Variants in BTC observed in about 807,000 individuals in gnomAD.
BTC encodes the protein betacellulin.
A neutral mutation model predicts 18.1 loss-of-function variants in BTC; 13 were observed. That is an observed-to-expected ratio of 0.72 (90% confidence interval 0.47 to 1.14). BTC has a LOEUF of 1.14. Among genes scored for constraint, BTC ranks in the 50% most tolerant of loss-of-function variants. The pLI is 0.00. For synonymous variants in BTC, 83 were observed against 79.4 expected (o/e 1.05, Z -0.24); for missense variants, 247 against 224.2 (o/e 1.10, Z -0.65).
intron 1 of BTC, among the ~76,000 whole-genome samples, chr4:74,776,751 G>A (rs1470419571): frequency 6.6e-6 from 1 of 152,134 alleles, no homozygotes; most frequent in Non-Finnish European, 1.5e-5. Flanking sequence ...CATGTGCGTT[G>A]TATTTGCCTC....
chr4:74,768,837 C>A (rs1724966388), intron 2 of BTC, among the ~76,000 whole-genome samples: 1 of 152,042 alleles, frequency 6.6e-6, no homozygotes, highest in African/African-American at 2.4e-5. Flanking sequence ...GGGATAATTT[C>A]CCAAGGGAAA....
intron 1 of BTC, among the ~76,000 whole-genome samples, chr4:74,782,369 C>G (rs1560723219): frequency 6.6e-6 from 1 of 152,142 alleles, no homozygotes; most frequent in East Asian, 1.9e-4. Flanking sequence ...GTTTTCTTTT[C>G]CTGCATTAGT....
intron 4 of BTC, among the ~76,000 whole-genome samples, 156 bp from the exon 5 acceptor site, chr4:74,748,305 T>C (rs1290930250): frequency 2.6e-5 from 4 of 152,210 alleles, no homozygotes; most frequent in African/African-American, 9.6e-5. Flanking sequence ...TCCCAGCACT[T>C]TGGGAGGCCG....
intron 1 of BTC, among the ~76,000 whole-genome samples, chr4:74,783,558 G>A (rs1330203658): frequency 1.1e-5 from 1 of 93,848 alleles, no homozygotes; most frequent in Non-Finnish European, 2.3e-5. Flanking sequence ...TGTACTTTTT[G>A]TTTGGGAATG....
intron 1 of BTC, among the ~76,000 whole-genome samples, chr4:74,783,766 T>C (rs1216504828): frequency 1.3e-5 from 2 of 152,076 alleles, no homozygotes; most frequent in Non-Finnish European, 2.9e-5. Context: ...TGTTTTCCCA[T>C]TTGTTTGTGT....
intron 4 of BTC, among the ~76,000 whole-genome samples, chr4:74,748,481 A>G (rs1189206836): frequency 6.6e-6 from 1 of 151,924 alleles, no homozygotes; most frequent in Non-Finnish European, 1.5e-5. Context: ...GCTTGCAGTG[A>G]GCCGAGATTG....
At chr4:74,766,127 T>C in intron 2 of BTC, among the ~76,000 whole-genome samples, 1 of 152,096 alleles carries the variant, frequency 6.6e-6, no homozygotes, top group East Asian at 1.9e-4. Context: ...GCACTTACTA[T>C]GAAAGGAACT....
intron 1 of BTC, among the ~76,000 whole-genome samples, chr4:74,787,674 G>A (rs1005038604): frequency 3.3e-5 from 5 of 152,192 alleles, no homozygotes; most frequent in African/African-American, 1.2e-4. Flanking sequence ...AAGCAGGATA[G>A]GGTAGGGTTG....
intron 1 of BTC, among the ~76,000 whole-genome samples, chr4:74,784,460 T>A (rs1035354063): frequency 3.9e-5 from 6 of 152,096 alleles, no homozygotes; most frequent in African/African-American, 1.4e-4. Context: ...TTCAATACTA[T>A]GTTGAGTAGG....
At chr4:74,786,249 G>A (rs753377618) in intron 1 of BTC, among the ~76,000 whole-genome samples, 4 of 152,168 alleles carry the variant, frequency 2.6e-5, no homozygotes, top group Non-Finnish European at 5.9e-5. Flanking sequence ...CAATTTCCTG[G>A]TGGTGCTACA....
intron 5 of BTC, among the ~76,000 whole-genome samples, chr4:74,747,344 G>C (rs1724319040): frequency 6.6e-6 from 1 of 152,156 alleles, no homozygotes; most frequent in Non-Finnish European, 1.5e-5. Flanking sequence ...AAGGCGAAAG[G>C]AGAGAAAGTT....
At chr4:74,754,903 A>G (rs1490043172) in intron 3 of BTC, among the ~76,000 whole-genome samples, 3 of 151,102 alleles carry the variant, frequency 2.0e-5, no homozygotes, top group Non-Finnish European at 4.4e-5. Context: ...GAGCAATTAA[A>G]TGAATTTTTT....
chr4:74,750,755 G>A lies in BTC; in HGVS notation c.282-36C>T, dbSNP rs141692378. ...AGACGAGGGCAAGGAAGTAAAACTT[G>A]CAAGACTTTTAAGAATCTCTACTTC... On this transcript the variant is annotated intron_variant, in intron 3 of 5. Coordinates refer to ENST00000395743, the MANE Select transcript of BTC (RefSeq NM_001729.4). 1.6e-3 allele frequency: 2,525 copies of A among 1,595,254 alleles called. 4 individuals are homozygous for A. The highest frequency in any genetic ancestry group is 2.0e-3 in the Admixed American group (112 of 54,722).
intron 1 of BTC, among the ~76,000 whole-genome samples, chr4:74,772,368 GAAAC>G (rs891178427): frequency 7.2e-5 from 11 of 152,072 alleles, no homozygotes; most frequent in African/African-American, 2.7e-4. Flanking sequence ...AGAACAAATA[GAAAC>G]AAACAATCAT....
At chr4:74,756,502 T>C (rs1553956718) in intron 2 of BTC, among the ~76,000 whole-genome samples, 2 of 152,182 alleles carry the variant, frequency 1.3e-5, no homozygotes, top group Admixed American at 6.5e-5. Flanking sequence ...CAAAGCACGA[T>C]ACATGGAGGC....
At chr4:74,748,954 CATA>C (rs782159284) in intron 4 of BTC, among the ~76,000 whole-genome samples, 1 of 152,160 alleles carries the variant, frequency 6.6e-6, no homozygotes, top group Admixed American at 6.5e-5. Context: ...CTAAACCTGG[CATA>C]ATATTTCTTC....
At chr4:74,755,809 G>A (rs782094613) in intron 3 of BTC, 50 bp downstream of exon 3, 36 of 1,530,052 alleles carry the variant, frequency 2.4e-5, no homozygotes, top group Middle Eastern at 1.7e-4. Flanking sequence ...AGACCCAGGC[G>A]GGCACCATTC....
intron 1 of BTC, among the ~76,000 whole-genome samples, chr4:74,776,316 C>T (rs1198486227): frequency 3.9e-5 from 6 of 152,060 alleles, no homozygotes; most frequent in Admixed American, 3.9e-4. Flanking sequence ...CCCTGTTTTG[C>T]AGGACCTGAA....
At chr4:74,764,069 C>T (rs1255563514) in intron 2 of BTC, among the ~76,000 whole-genome samples, 8 of 151,862 alleles carry the variant, frequency 5.3e-5, no homozygotes, top group African/African-American at 1.7e-4. Flanking sequence ...TGTCCCCAGA[C>T]CAAGTCTCAG....
Sources: gnomAD v4.1 joint callset for allele counts (sites outside exome capture counted in the v4.1 genomes callset) on GRCh38, gnomAD v4.1.1 for gene constraint, MANE v1.5 for transcripts, NCBI Gene and HGNC (gene_info 2026-07-23, HGNC 2026-07-21) for gene names.